MYO3B: variants seen among roughly 807,000 people sequenced by gnomAD.
MYO3B encodes the protein myosin-IIIb.
Under a neutral mutation model 174.6 loss-of-function variants are expected in MYO3B, and 156 were observed. The observed-to-expected ratio is 0.89, with a 90% CI of 0.78 to 1.02. The LOEUF is 1.02. Ranked by LOEUF, MYO3B falls within the 50% of genes least tolerant of loss-of-function variation. The pLI, the probability that MYO3B is intolerant of heterozygous loss-of-function variation, is 0.00. For missense variants in MYO3B, 1,632 were observed against 1,639.4 expected (o/e 1.00, Z 0.08); for synonymous variants, 563 against 569.1 (o/e 0.99, Z 0.15).
intron 1 of MYO3B, 55 bp from the exon 2 acceptor site, chr2:170,199,153 C>A: frequency 8.2e-7 from 1 of 1,222,262 alleles, no homozygotes; most frequent in Non-Finnish European, 1.1e-6. Context: ...TTTCAAAAGT[C>A]CACTGCCCCC....
intron 32 of MYO3B, among the ~76,000 whole-genome samples, chr2:170,604,991 C>G (rs1432047268): frequency 1.3e-5 from 2 of 152,164 alleles, no homozygotes; most frequent in East Asian, 1.9e-4. Flanking sequence ...TTATCCCCTT[C>G]TTAGCCAAAT....
chr2:170,305,955 T>C lies in MYO3B; in HGVS notation c.750-29430T>C, dbSNP rs534767415. On this transcript the variant is annotated intron_variant, in intron 7 of 34. Coordinates refer to ENST00000408978, the MANE Select transcript of MYO3B (RefSeq NM_138995.5). ...CATGTTATAACTTTGGGGTCAGGAA[T>C]CAGGGCAGAGCTTAGCTGGGTAATT... is the stretch of plus-strand genomic sequence containing the variant. Among the ~76,000 whole-genome samples, 11 of 152,248 alleles carry C rather than the reference T, an allele frequency of 7.2e-5. No individual in the cohort carries two copies. The South Asian group carries it at 2.3e-3, about 32-fold the overall frequency.
intron 16 of MYO3B, among the ~76,000 whole-genome samples, chr2:170,396,835 G>A (rs896330478): frequency 4.6e-5 from 7 of 152,180 alleles, no homozygotes; most frequent in Admixed American, 4.6e-4. Flanking sequence ...AAGAGAGAGA[G>A]AGAGAGTCTT....
intron 32 of MYO3B, among the ~76,000 whole-genome samples, chr2:170,636,724 T>C (rs957615695): frequency 1.3e-5 from 2 of 152,168 alleles, no homozygotes; most frequent in African/African-American, 4.8e-5. Context: ...CATGTTAATA[T>C]GATTTTCTCT....
intron 28 of MYO3B, among the ~76,000 whole-genome samples, chr2:170,507,816 T>G (rs1022823218): frequency 6.6e-6 from 1 of 152,090 alleles, no homozygotes; most frequent in Admixed American, 6.5e-5. Context: ...GAGCAAGTGG[T>G]GTAGTACAGA....
rs764525290 is a variant in MYO3B at position 170,400,159 on chromosome 2, T to G, written c.1792-29T>G. 4 of 1,613,890 alleles carry G rather than the reference T, an allele frequency of 2.5e-6. No individual in the cohort carries two copies. The Admixed American group carries it at 6.7e-5, about 27-fold the overall frequency. ...TCATTAGTTTGACTGGCAATGACCT[T>G]CATATATGGTTCTTGATGTCCTTTT... is the stretch of plus-strand genomic sequence containing the variant. On this transcript the variant is annotated intron_variant, in intron 16 of 34. Transcript: ENST00000408978.
chr2:170,257,302 T>G (rs1406252793), intron 7 of MYO3B, among the ~76,000 whole-genome samples: 2 of 152,054 alleles, frequency 1.3e-5, no homozygotes, highest in African/African-American at 4.8e-5. Flanking sequence ...CTCATCTCCA[T>G]ACAGAACATA....
intron 1 of MYO3B, among the ~76,000 whole-genome samples, chr2:170,183,389 T>G (rs371431351): frequency 6.6e-6 from 1 of 152,232 alleles, no homozygotes; most frequent in East Asian, 1.9e-4. Context: ...CCATTGATTT[T>G]AAGATTTTAC....
At chr2:170,256,375 G>C (rs1014750199) in intron 7 of MYO3B, among the ~76,000 whole-genome samples, 2 of 152,032 alleles carry the variant, frequency 1.3e-5, no homozygotes, top group African/African-American at 2.4e-5. Context: ...AATCTTAAAG[G>C]CAGCTTAAGA....
At chr2:170,514,877 G>A (rs763413530) in intron 28 of MYO3B, 44 bp from the exon 29 acceptor site, 4 of 1,560,058 alleles carry the variant, frequency 2.6e-6, no homozygotes, top group Non-Finnish European at 2.6e-6. Flanking sequence ...TCATCTAGGT[G>A]TGGGAGCATA....
rs562592997 is a variant in MYO3B at position 170,188,031 on chromosome 2, G to C, written c.2+9742G>C. On this transcript the variant is annotated intron_variant, in intron 1 of 34. Coordinates refer to ENST00000408978, the MANE Select transcript of MYO3B (RefSeq NM_138995.5). ...TCCAATGTTTCTTTGTTGATTTTCT[G>C]TCTGGATGATCTGTTCGATGCTTAA... Among the ~76,000 whole-genome samples the C allele has an allele frequency of 2.6e-5, 4 of 152,268 alleles. No homozygotes were observed. The South Asian group carries it at 8.3e-4, about 32-fold the overall frequency.
intron 7 of MYO3B, among the ~76,000 whole-genome samples, chr2:170,261,117 G>A (rs1574672689): frequency 6.6e-6 from 1 of 152,056 alleles, no homozygotes. Context: ...TCCGCCTTCC[G>A]GGTTCAAGCA....
At chr2:170,641,291 T>C (rs1435679338) in intron 32 of MYO3B, 3 of 152,236 alleles carry the variant, frequency 2.0e-5, no homozygotes, top group Non-Finnish European at 4.4e-5. Flanking sequence ...TGTCAGACTT[T>C]TTCTTAAGAA....
chr2:170,596,662 T>A (rs1465289433), intron 32 of MYO3B, among the ~76,000 whole-genome samples: 1 of 152,158 alleles, frequency 6.6e-6, no homozygotes, highest in Non-Finnish European at 1.5e-5. Context: ...TTCCACCCTC[T>A]GCCCCCAAAC....
At chr2:170,249,162 C>T (rs1194947152) in intron 7 of MYO3B, among the ~76,000 whole-genome samples, 3 of 152,164 alleles carry the variant, frequency 2.0e-5, no homozygotes, top group Non-Finnish European at 4.4e-5. Context: ...GGAGGTAGCC[C>T]CTATCCTGAG....
chr2:170,620,399 T>G (rs1695812922), intron 32 of MYO3B, among the ~76,000 whole-genome samples: 1 of 152,222 alleles, frequency 6.6e-6, no homozygotes, highest in Admixed American at 6.5e-5. Context: ...TTCCATTTAT[T>G]AACTATATTA....
At chr2:170,650,503 T>C (rs1024371392) in intron 32 of MYO3B, among the ~76,000 whole-genome samples, 5 of 151,992 alleles carry the variant, frequency 3.3e-5, no homozygotes, top group African/African-American at 9.7e-5. Context: ...AGGATAGTGA[T>C]AGCTTTTCTC....
intron 9 of MYO3B, among the ~76,000 whole-genome samples, chr2:170,372,129 A>AAAAAAAAAC (rs2094251859): frequency 7.0e-6 from 1 of 142,354 alleles, no homozygotes; most frequent in African/African-American, 2.8e-5. Flanking sequence ...AAAAAAAAAA[A>AAAAAAAAAC]AAAAAAAAAA....
intron 16 of MYO3B, among the ~76,000 whole-genome samples, chr2:170,397,553 G>A: frequency 6.6e-6 from 1 of 152,240 alleles, no homozygotes; most frequent in East Asian, 1.9e-4. Context: ...TACCATTAAT[G>A]ATACATATGT....
Sources: allele counts gnomAD v4.1 joint callset (sites outside exome capture counted in the v4.1 genomes callset), GRCh38; gene constraint gnomAD v4.1.1; transcripts MANE v1.5; gene names NCBI Gene and HGNC (gene_info 2026-07-23, HGNC 2026-07-21).